Variants in RPRM observed in about 807,000 individuals in gnomAD.
The protein encoded by RPRM is protein reprimo.
In RPRM, 3 loss-of-function variants were observed where a neutral mutation model predicts 5.2. The ratio of observed to expected loss-of-function variants is 0.58; its 90% CI spans 0.26 to 1.50. The LOEUF (loss-of-function observed/expected upper bound fraction) is 1.50. RPRM is among the 40% of genes most tolerant of loss of function. RPRM has a pLI of 0.13. For missense variants in RPRM, 135 were observed against 154.5 expected, an observed-to-expected ratio of 0.87 and a Z score of 0.67; for synonymous variants, 70 against 69.9, an observed-to-expected ratio of 1.00 and a Z score of -0.01.
In RPRM at chr2:153,477,592, C is replaced by T. The variant is rs1052581; in HGVS notation, c.*644G>A. On this transcript the variant is annotated 3_prime_UTR_variant, in exon 1 of 1. Coordinates refer to ENST00000325926, the MANE Select transcript of RPRM (RefSeq NM_019845.3). ...GGCTCCCCCTCCCCCCACCCCTTCT[C>T]CCACAATGACAAAACTGTAACTCCT... 11,776 of 139,158 alleles carry T rather than the reference C, an allele frequency of 0.085. 544 individuals carry two copies. The highest frequency in any genetic ancestry group is 0.16 in the South Asian group (594 of 3,804). The allele number at this position is 139,158 out of a possible 1,614,324, so 8.6% of individuals were successfully genotyped here.
chr2:153,478,023 A>C lies in RPRM; in HGVS notation c.*213T>G. The C allele has an allele frequency of 1.8e-6, 1 of 566,686 alleles. No homozygotes were observed. Among genetic ancestry groups the C allele is most frequent in the Non-Finnish European group, 3.1e-6 (1 of 319,212 alleles). 35.1% of individuals were successfully genotyped at this position (566,686 alleles called of 1,614,324 possible). Reference sequence around the variant, plus strand: ...GCCCTCTTCTTGCCACTTTCTGCTGAGTTCAGAGTCTGGGCGCTCTCCTCC... The same window carrying C: ...GCCCTCTTCTTGCCACTTTCTGCTGCGTTCAGAGTCTGGGCGCTCTCCTCC... On this transcript the variant is annotated 3_prime_UTR_variant, in exon 1 of 1. Coordinates refer to ENST00000325926, the MANE Select transcript of RPRM (RefSeq NM_019845.3).
In RPRM at chr2:153,478,527, G is replaced by A. The variant is rs1684193822; in HGVS notation, c.39C>T (p.Gly13=). 2.5e-6 allele frequency: 4 copies of A among 1,603,132 alleles called. No homozygotes were observed. Among genetic ancestry groups the A allele is most frequent in the Non-Finnish European group, 3.4e-6 (4 of 1,173,880 alleles). The stretch of plus-strand genomic sequence containing the variant: ...CCTCGCTGCTGTTGGCCAGGAACAG[G>A]CCCGCCACGTCCGTCTGGTTGCCTA... ...PALGNQTDVA[G]LFLANSSEAL... is the part of the protein sequence containing the mutation. Residue 13 remains glycine, a synonymous_variant, in exon 1 of 1, where the codon GGC becomes GGT. Transcript: ENST00000325926.
Position 153,478,070 on chromosome 2 carries a change from T to C in RPRM, c.*166A>G, listed in dbSNP as rs1468699026. Reference sequence around the variant, plus strand: ...CTCCGACTGCCAGGCATGAGGACTTTCAGAGGGCGAGGGAGAAACCGGTCG... The same window carrying C: ...CTCCGACTGCCAGGCATGAGGACTTCCAGAGGGCGAGGGAGAAACCGGTCG... On this transcript the variant is annotated 3_prime_UTR_variant, in exon 1 of 1. Coordinates refer to ENST00000325926, the MANE Select transcript of RPRM (RefSeq NM_019845.3). 6.4e-6 allele frequency: 4 copies of C among 627,590 alleles called. No individual in the cohort carries two copies. The East Asian group carries it at 1.1e-4, about 17-fold the overall frequency. The allele number at this position is 627,590 out of a possible 1,614,324, so 38.9% of individuals were successfully genotyped here.
Position 153,478,097 on chromosome 2 carries a change from T to G in RPRM, c.*139A>C. On this transcript the variant is annotated 3_prime_UTR_variant, in exon 1 of 1. Transcript: ENST00000325926. ...AGAGGGCGAGGGAGAAACCGGTCGCTTCTTTCCGAAAGGCCGAAGTCGAGA... is the reference window on the plus strand; with the variant it reads ...AGAGGGCGAGGGAGAAACCGGTCGCGTCTTTCCGAAAGGCCGAAGTCGAGA... The G allele has an allele frequency of 5.6e-4, 365 of 657,440 alleles. No homozygotes were observed. Among genetic ancestry groups the G allele is most frequent in the East Asian group, 1.1e-3 (38 of 33,436 alleles). 40.7% of individuals were successfully genotyped at this position (657,440 alleles called of 1,614,324 possible).
rs748604959 is a variant in RPRM, at chr2:153,478,525, A to C, written c.41T>G (p.Leu14Arg). ...CGCCTCGCTGCTGTTGGCCAGGAAC[A>C]GGCCCGCCACGTCCGTCTGGTTGCC... ...ALGNQTDVAG[L>R]FLANSSEALE... The change falls in exon 1 of 1, where the codon CTG becomes CGG. Residue 14 changes from leucine (L) to arginine (R), a missense_variant. By Grantham distance (102) the Leu-to-Arg change is moderately radical. Coordinates refer to ENST00000325926, the MANE Select transcript of RPRM (RefSeq NM_019845.3). 7.5e-6 allele frequency: 12 copies of C among 1,602,794 alleles called. No individual in the cohort carries two copies. The South Asian group carries it at 1.2e-4, about 16-fold the overall frequency.
At position 153,478,106 on chromosome 2, in the gene RPRM, A is replaced by C; in HGVS notation, c.*130T>G. 1 of 732,220 alleles carries C rather than the reference A, an allele frequency of 1.4e-6. No individual in the cohort carries two copies. 45.4% of individuals were successfully genotyped at this position (732,220 alleles called of 1,614,324 possible). ...GGGAGAAACCGGTCGCTTCTTTCCGAAAGGCCGAAGTCGAGAGAAATAATT... is the reference window on the plus strand; with the variant it reads ...GGGAGAAACCGGTCGCTTCTTTCCGCAAGGCCGAAGTCGAGAGAAATAATT... On this transcript the variant is annotated 3_prime_UTR_variant, in exon 1 of 1. Transcript: ENST00000325926.
In RPRM at chr2:153,478,049, G is replaced by A; in HGVS notation, c.*187C>T. 3.4e-6 allele frequency: 2 copies of A among 595,902 alleles called. No individual in the cohort carries two copies. The highest frequency in any genetic ancestry group is 4.4e-4 in the Middle Eastern group (1 of 2,248). 36.9% of individuals were successfully genotyped at this position (595,902 alleles called of 1,614,324 possible). On this transcript the variant is annotated 3_prime_UTR_variant, in exon 1 of 1. Transcript: ENST00000325926. ...GTTCAGAGTCTGGGCGCTCTCCTCC[G>A]ACTGCCAGGCATGAGGACTTTCAGA...
rs1684192870 is a variant in RPRM at position 153,478,498 on chromosome 2, A to G, written c.68T>C (p.Leu23Pro). The change falls in exon 1 of 1, where the codon CTG becomes CCG. Residue 23 changes from leucine to proline, a missense_variant. Transcript: ENST00000325926. Reference sequence around the variant, plus strand: ...GGTGCAGCAGCGCACGGCTCGCTCCAGCGCCTCGCTGCTGTTGGCCAGGAA... The same window carrying G: ...GGTGCAGCAGCGCACGGCTCGCTCCGGCGCCTCGCTGCTGTTGGCCAGGAA... ...GLFLANSSEA[L>P]ERAVRCCTQA... The G allele has an allele frequency of 2.5e-6, 4 of 1,610,760 alleles. No homozygotes were observed. The highest frequency in any genetic ancestry group is 1.3e-5 in the African/African-American group (1 of 74,852).
rs764571049 is a variant in RPRM, at chr2:153,478,589, AGCGGCGCGG to A, written c.-33_-25del. On this transcript the variant is annotated 5_prime_UTR_variant, in exon 1 of 1. Transcript: ENST00000325926. ...ATCGCAGGAACGGGCGGGCGCCGCG[AGCGGCGCGG>A]GTCCGAGGGGTGGGAAGGCGGCGGC... 3.3e-6 allele frequency: 5 copies of A among 1,493,388 alleles called. No individual in the cohort carries two copies. Among genetic ancestry groups the A allele is most frequent in the South Asian group, 1.3e-5 (1 of 76,662 alleles). The allele number at this position is 1,493,388 out of a possible 1,614,324, so 92.5% of individuals were successfully genotyped here.
In RPRM at chr2:153,477,350, G is replaced by T. The variant is rs1263054259; in HGVS notation, c.*886C>A. 2 of 152,620 alleles carry T rather than the reference G, an allele frequency of 1.3e-5. No individual in the cohort carries two copies. Among genetic ancestry groups the T allele is most frequent in the African/African-American group, 4.8e-5 (2 of 41,420 alleles). The allele number at this position is 152,620 out of a possible 1,614,324, so 9.5% of individuals were successfully genotyped here. Reference sequence around the variant, plus strand: ...GAGGCCAGGAACAAAACGCTTAAATGTTGCATTTATTAAGGAAATGTTAAA... The same window carrying T: ...GAGGCCAGGAACAAAACGCTTAAATTTTGCATTTATTAAGGAAATGTTAAA... On this transcript the variant is annotated 3_prime_UTR_variant, in exon 1 of 1. Transcript: ENST00000325926.
Position 153,478,661 on chromosome 2 carries a change from A to C in RPRM, c.-96T>G. ...GGTGCCGGGCTGAGCGCTCACTCGCAGACTAGCGCGTGCGAGGGCTCCTCG... is the reference window on the plus strand; with the variant it reads ...GGTGCCGGGCTGAGCGCTCACTCGCCGACTAGCGCGTGCGAGGGCTCCTCG... On this transcript the variant is annotated 5_prime_UTR_variant, in exon 1 of 1. Transcript: ENST00000325926. 1 of 1,027,578 alleles carries C rather than the reference A, an allele frequency of 9.7e-7. No homozygotes were observed. Among genetic ancestry groups the C allele is most frequent in the Non-Finnish European group, 1.4e-6 (1 of 715,072 alleles). The allele number at this position is 1,027,578 out of a possible 1,614,324, so 63.7% of individuals were successfully genotyped here.
In RPRM at chr2:153,478,234, G is replaced by T; in HGVS notation, c.*2C>A. On this transcript the variant is annotated 3_prime_UTR_variant, in exon 1 of 1. Transcript: ENST00000325926. The stretch of plus-strand genomic sequence containing the variant: ...GCGGTTGCCGCGGGGGCAGAGGGCG[G>T]GTCAGTAGGGCCCCACGACCACCGC... 1 of 1,608,566 alleles carries T rather than the reference G, an allele frequency of 6.2e-7. No individual in the cohort carries two copies. Among genetic ancestry groups the T allele is most frequent in the South Asian group, 1.1e-5 (1 of 90,228 alleles).
Position 153,478,241 on chromosome 2 carries a change from A to T in RPRM, c.325T>A (p.Tyr109Asn). 6.2e-7 allele frequency: 1 copy of T among 1,606,968 alleles called. No individual in the cohort carries two copies. Among genetic ancestry groups the T allele is most frequent in the Non-Finnish European group, 8.5e-7 (1 of 1,175,080 alleles). The change falls in exon 1 of 1, where the codon TAC (tyrosine) becomes AAC (asparagine). Residue 109 changes from tyrosine (Y) to asparagine (N), a missense_variant. By Grantham distance (143) the Tyr-to-Asn change is moderately radical. Transcript: ENST00000325926. ...CCGCGGGGGCAGAGGGCGGGTCAGTAGGGCCCCACGACCACCGCCTCCACC... is the reference window on the plus strand; with the variant it reads ...CCGCGGGGGCAGAGGGCGGGTCAGTTGGGCCCCACGACCACCGCCTCCACC... ...KEVEAVVVGP[Y>N] is the part of the protein sequence containing the mutation.
At position 153,478,554 on chromosome 2, in the gene RPRM, G is replaced by C. The variant is rs767529280; in HGVS notation, c.12C>G (p.Ala4=). MNP[A]LGNQTDVAGL... ...CCGCCACGTCCGTCTGGTTGCCTAG[G>C]GCCGGATTCATCGCAGGAACGGGCG... The change falls in exon 1 of 1, where the codon GCC becomes GCG. Residue 4 remains alanine (A), a synonymous_variant. Transcript: ENST00000325926. 69 of 1,589,974 alleles carry C rather than the reference G, an allele frequency of 4.3e-5. 1 individual carries two copies. In the South Asian group the frequency reaches 7.5e-4, roughly 17 times the overall value.
Position 153,477,805 on chromosome 2 carries a change from G to T in RPRM, c.*431C>A, listed in dbSNP as rs1684179562. The stretch of plus-strand genomic sequence containing the variant: ...CGGACACGGATTTGTGAGACCCCAT[G>T]AGTCTGCTGCGTGGCTTTTAACAGG... On this transcript the variant is annotated 3_prime_UTR_variant, in exon 1 of 1. Transcript: ENST00000325926. 5.8e-6 allele frequency: 1 copy of T among 172,050 alleles called. No individual in the cohort carries two copies. The highest frequency in any genetic ancestry group is 1.7e-4 in the East Asian group (1 of 5,984). The allele number at this position is 172,050 out of a possible 1,614,324, so 10.7% of individuals were successfully genotyped here.
Position 153,478,424 on chromosome 2 carries a change from C to T in RPRM, c.142G>A (p.Glu48Lys). 2.5e-6 allele frequency: 4 copies of T among 1,614,056 alleles called. No individual in the cohort carries two copies. The highest frequency in any genetic ancestry group is 1.7e-6 in the Non-Finnish European group (2 of 1,180,006). ...ACGCGCATTATGTACAGGCTACGCT[C>T]GTCCGGGCCTCCCTCCGCGAAGCCG... ...DDGFAEGGPD[E>K]RSLYIMRVVQ... The change falls in exon 1 of 1, where the codon GAG becomes AAG. Residue 48 changes from glutamate (E) to lysine (K), a missense_variant. Glu to Lys is a moderately conservative substitution (Grantham distance 56). Transcript: ENST00000325926.
Position 153,478,530 on chromosome 2 carries a change from C to A in RPRM, c.36G>T (p.Ala12=). ...CGCTGCTGTTGGCCAGGAACAGGCC[C>A]GCCACGTCCGTCTGGTTGCCTAGGG... The part of the protein sequence containing the change: ...NPALGNQTDV[A]GLFLANSSEA... Residue 12 remains alanine, a synonymous_variant, in exon 1 of 1, where the codon GCG becomes GCT. Coordinates refer to ENST00000325926, the MANE Select transcript of RPRM (RefSeq NM_019845.3). 6.2e-7 allele frequency: 1 copy of A among 1,605,632 alleles called. No homozygotes were observed.
chr2:153,478,184 G>T lies in RPRM; in HGVS notation c.*52C>A. 6.9e-7 allele frequency: 1 copy of T among 1,457,648 alleles called. No homozygotes were observed. 90.3% of individuals were successfully genotyped at this position (1,457,648 alleles called of 1,614,324 possible). A position where few individuals can be genotyped will look rare whatever the true frequency, so the allele number is the denominator to read the frequency against. ...CTCTGATAGTGAGGGGCACAGCCGG[G>T]CTAGCAAAGTGGGCAGGCGTGGGAG... is the stretch of plus-strand genomic sequence containing the variant. On this transcript the variant is annotated 3_prime_UTR_variant, in exon 1 of 1. Coordinates refer to ENST00000325926, the MANE Select transcript of RPRM (RefSeq NM_019845.3).
At position 153,478,313 on chromosome 2, in the gene RPRM, C is replaced by T. The variant is rs1486207949; in HGVS notation, c.253G>A (p.Glu85Lys). ...TTCACGAGGAAGTTGATCATGCCCT[C>T]GGACTTGATGAGCAGATTGCAGCCG... ...FLGCNLLIKS[E>K]GMINFLVKDR... is the part of the protein sequence containing the mutation. Residue 85 changes from glutamate (E) to lysine (K), a missense_variant, in exon 1 of 1, where the codon GAG (glutamate) becomes AAG (lysine). Coordinates refer to ENST00000325926, the MANE Select transcript of RPRM (RefSeq NM_019845.3). The T allele has an allele frequency of 3.7e-6, 6 of 1,614,030 alleles. No homozygotes were observed. Among genetic ancestry groups the T allele is most frequent in the Non-Finnish European group, 5.1e-6 (6 of 1,180,016 alleles).
Sources: allele counts gnomAD v4.1 joint callset, GRCh38; gene constraint gnomAD v4.1.1; transcripts MANE v1.5; gene names NCBI Gene and HGNC (gene_info 2026-07-23, HGNC 2026-07-21).